CAPZB: variants seen among roughly 807,000 people sequenced by gnomAD.
CAPZB encodes the protein F-actin-capping protein subunit beta.
Under a neutral mutation model 38.1 loss-of-function variants are expected in CAPZB, and 2 were observed. The observed-to-expected ratio is 0.05, with a 90% CI of 0.02 to 0.17. The LOEUF (loss-of-function observed/expected upper bound fraction) is 0.17, where lower values mean the gene tolerates loss of function less well. Ranked by LOEUF, CAPZB falls within the 10% of genes least tolerant of loss-of-function variation. The pLI, the probability that CAPZB is intolerant of heterozygous loss-of-function variation, is 1.00. For missense variants in CAPZB, 161 were observed against 334.2 expected (o/e 0.48, Z 4.04); for synonymous variants, 107 against 127.4 (o/e 0.84, Z 1.08).
chr1:19,437,991 G>A (rs573231309), intron 1 of CAPZB, among the ~76,000 whole-genome samples: 34 of 152,226 alleles, frequency 2.2e-4, no homozygotes, highest in African/African-American at 8.2e-4. Flanking sequence ...GAGAACGATC[G>A]TATTTGGATG....
At chr1:19,347,619 T>C (rs1323472205) in intron 6 of CAPZB, among the ~76,000 whole-genome samples, 3 of 152,186 alleles carry the variant, frequency 2.0e-5, no homozygotes, top group Non-Finnish European at 2.9e-5. Context: ...CTTGGTCAAC[T>C]TGTTTGTCCA....
intron 1 of CAPZB, among the ~76,000 whole-genome samples, chr1:19,450,928 T>A (rs544131049): frequency 6.6e-6 from 1 of 152,332 alleles, no homozygotes; most frequent in African/African-American, 2.4e-5. Context: ...GTCTTTGGAA[T>A]AATGGAAAGA....
intron 6 of CAPZB, among the ~76,000 whole-genome samples, chr1:19,345,823 G>A (rs528475777): frequency 1.3e-5 from 2 of 152,258 alleles, no homozygotes; most frequent in African/African-American, 2.4e-5. Flanking sequence ...GGTGGCAATG[G>A]CAGAGCCTGG....
At chr1:19,419,794 A>T in intron 1 of CAPZB, 44 bp from the exon 2 acceptor site, 2 of 1,156,504 alleles carry the variant, frequency 1.7e-6, no homozygotes, top group East Asian at 2.6e-5. Flanking sequence ...TTTTGCCAGA[A>T]GGAATATCAA....
rs1220183453 is a variant in CAPZB at position 19,485,492 on chromosome 1, C to T, written c.-54G>A. On this transcript the variant is annotated 5_prime_UTR_variant, in exon 1 of 9. Coordinates refer to ENST00000264202, the MANE Select transcript of CAPZB (RefSeq NM_004930.5). ...CCGGCGTCAGTGGCTCTCCCCCCCG[C>T]AGCAGGGCCCGGCGCTTCCACTTCC... The T allele has an allele frequency of 6.5e-6, 8 of 1,226,594 alleles. No homozygotes were observed. The highest frequency in any genetic ancestry group is 8.1e-6 in the Non-Finnish European group (8 of 984,356). The allele number at this position is 1,226,594 out of a possible 1,614,324, so 76.0% of individuals were successfully genotyped here.
chr1:19,350,517 G>A (rs1429929812), intron 6 of CAPZB, among the ~76,000 whole-genome samples: 2 of 152,252 alleles, frequency 1.3e-5, no homozygotes, highest in African/African-American at 4.8e-5. Context: ...GGCTTCCCAG[G>A]GAAAGTTACG....
At chr1:19,474,380 C>A (rs919741538) in intron 1 of CAPZB, among the ~76,000 whole-genome samples, 3 of 152,142 alleles carry the variant, frequency 2.0e-5, no homozygotes, top group African/African-American at 7.2e-5. Context: ...GAAGTTGAGG[C>A]TGAGACATGA....
At chr1:19,440,391 T>A (rs2094472009) in intron 1 of CAPZB, among the ~76,000 whole-genome samples, 1 of 152,196 alleles carries the variant, frequency 6.6e-6, no homozygotes, top group Non-Finnish European at 1.5e-5. Flanking sequence ...GAAGAGATGA[T>A]GTAAAAACAA....
In CAPZB at chr1:19,357,661, C is replaced by T. The variant is rs775058837; in HGVS notation, c.330-98G>A. 4.1e-6 allele frequency: 5 copies of T among 1,222,028 alleles called. No homozygotes were observed. The highest frequency in any genetic ancestry group is 5.9e-6 in the Non-Finnish European group (5 of 852,302). The allele number at this position is 1,222,028 out of a possible 1,614,324, so 75.7% of individuals were successfully genotyped here. On this transcript the variant is annotated intron_variant, in intron 4 of 8. Coordinates refer to ENST00000264202, the MANE Select transcript of CAPZB (RefSeq NM_004930.5). The surrounding 1 kb of genome is among the most constrained non-coding windows in gnomAD (Gnocchi z 4.3). ...TCAGCAAAGATTCTGGGATTCAGGG[C>T]CCTCCCTGCGACAGTTATGGGAGCC...
intron 1 of CAPZB, among the ~76,000 whole-genome samples, chr1:19,430,825 T>C (rs528678881): frequency 1.3e-5 from 2 of 152,042 alleles, no homozygotes. Context: ...TTTTACAACA[T>C]ATACAATGGG....
intron 1 of CAPZB, among the ~76,000 whole-genome samples, chr1:19,438,904 G>A (rs2094466898): frequency 1.3e-5 from 2 of 152,252 alleles, no homozygotes; most frequent in Non-Finnish European, 2.9e-5. Flanking sequence ...TCTGTCCTCT[G>A]ATAGAGGAAA....
intron 7 of CAPZB, among the ~76,000 whole-genome samples, 181 bp from the exon 8 acceptor site, chr1:19,344,615 G>A (rs1226318608): frequency 7.2e-5 from 11 of 152,146 alleles, no homozygotes; most frequent in Admixed American, 5.2e-4. Flanking sequence ...CTGTGCTCCC[G>A]GCACCTTCCC....
intron 1 of CAPZB, among the ~76,000 whole-genome samples, chr1:19,476,621 G>A (rs1325128219): frequency 6.6e-6 from 1 of 152,230 alleles, no homozygotes; most frequent in Non-Finnish European, 1.5e-5. Context: ...GGAAGAGCCA[G>A]GGACACTGAC....
chr1:19,470,858 G>A (rs996063384), intron 1 of CAPZB, among the ~76,000 whole-genome samples: 4 of 152,174 alleles, frequency 2.6e-5, no homozygotes, highest in East Asian at 1.9e-4. Context: ...GAAACGGAAC[G>A]GTGCATGCAG....
At chr1:19,396,191 T>C (rs1356099773) in intron 2 of CAPZB, among the ~76,000 whole-genome samples, 1 of 152,226 alleles carries the variant, frequency 6.6e-6, no homozygotes, top group Admixed American at 6.5e-5. Flanking sequence ...AGGGCAGTGA[T>C]GAGCTGTCTG....
rs868273390 is a variant in CAPZB at position 19,383,160 on chromosome 1, C to T, written c.215+2345G>A. Among the ~76,000 whole-genome samples the T allele has an allele frequency of 7.3e-5, 11 of 150,808 alleles. No homozygotes were observed. In the South Asian group the frequency reaches 1.3e-3, roughly 17 times the overall value. On this transcript the variant is annotated intron_variant, in intron 3 of 8. Coordinates refer to ENST00000264202, the MANE Select transcript of CAPZB (RefSeq NM_004930.5). ...AGAGAGAAAAAGTCAAAAAAATTAGCTGGGGCTGGGCGCAGTGGCTCATGC... is the reference window on the plus strand; with the variant it reads ...AGAGAGAAAAAGTCAAAAAAATTAGTTGGGGCTGGGCGCAGTGGCTCATGC...
chr1:19,342,700 T>G (rs200531025), intron 8 of CAPZB: 259 of 1,113,644 alleles, frequency 2.3e-4, no homozygotes, highest in Admixed American at 4.1e-4. Context: ...TCTCGGCGGG[T>G]TGGTGAGTCC....
At chr1:19,385,800 T>C in intron 2 of CAPZB, 174 bp from the exon 3 acceptor site, 1 of 789,900 alleles carries the variant, frequency 1.3e-6, no homozygotes, top group Non-Finnish European at 2.3e-6. Context: ...ACACCAACTG[T>C]GTCCCTCTAT....
intron 4 of CAPZB, among the ~76,000 whole-genome samples, chr1:19,372,370 G>A (rs142366457): frequency 3.5e-4 from 53 of 152,354 alleles, no homozygotes; most frequent in Middle Eastern, 3.4e-3. Flanking sequence ...ATCATCTTTG[G>A]AAGAAGGCAG....
Sources: allele counts gnomAD v4.1 joint callset (sites outside exome capture counted in the v4.1 genomes callset), GRCh38; gene constraint gnomAD v4.1.1; non-coding constraint Gnocchi (gnomAD v3.1); transcripts MANE v1.5; gene names NCBI Gene and HGNC (gene_info 2026-07-23, HGNC 2026-07-21).